The following TTC7A variants were observed in gnomAD, a reference collection of about 807,000 sequenced individuals.
TTC7A encodes tetratricopeptide repeat domain 7A.
A neutral mutation model predicts 103.7 loss-of-function variants in TTC7A; 110 were observed. The observed-to-expected ratio is 1.06, with a 90% CI of 0.91 to 1.24. The LOEUF (loss-of-function observed/expected upper bound fraction) is 1.24. Ranked by LOEUF, TTC7A falls within the 50% of genes most tolerant of loss-of-function variation. TTC7A has a pLI of 0.00. For missense variants in TTC7A, 1,340 were observed against 1,116.3 expected, an observed-to-expected ratio of 1.20 and a Z score of -2.86; for synonymous variants, 521 against 467.9, an observed-to-expected ratio of 1.11 and a Z score of -1.47.
chr2:46,957,124 C>G, intron 3 of TTC7A, 117 bp downstream of exon 3: 1 of 1,321,420 alleles, frequency 7.6e-7, no homozygotes, highest in South Asian at 1.3e-5. Context: ...TGCCCATGCC[C>G]TGGCACTGGT....
chr2:46,917,582 C>T (rs997774022), intron 2 of TTC7A, among the ~76,000 whole-genome samples: 1 of 152,204 alleles, frequency 6.6e-6, no homozygotes, highest in Admixed American at 6.5e-5. Context: ...ATAAAGTGTC[C>T]TCATTCTAGC....
At chr2:46,979,542 C>T (rs895177123) in intron 5 of TTC7A, among the ~76,000 whole-genome samples, 4 of 152,140 alleles carry the variant, frequency 2.6e-5, no homozygotes, top group African/African-American at 9.7e-5. Flanking sequence ...GAATGCCTTC[C>T]GTAGGCTTTT....
intron 11 of TTC7A, among the ~76,000 whole-genome samples, chr2:47,020,776 G>A (rs1679204488): frequency 6.6e-6 from 1 of 152,224 alleles, no homozygotes; most frequent in Admixed American, 6.5e-5. Flanking sequence ...TCCAGGGAGA[G>A]AGAATCCACT....
intron 10 of TTC7A, among the ~76,000 whole-genome samples, chr2:47,010,933 C>G (rs1677977899): frequency 6.6e-6 from 1 of 152,198 alleles, no homozygotes; most frequent in African/African-American, 2.4e-5. Context: ...CTCCTGAGTT[C>G]AAGTGATCTG....
Position 47,046,361 on chromosome 2 carries a change from G to T in TTC7A, c.1849G>T (p.Glu617Ter), listed in dbSNP as rs376138112. 2.5e-6 allele frequency: 4 copies of T among 1,614,230 alleles called. No homozygotes were observed. The East Asian group carries it at 8.9e-5, about 36-fold the overall frequency. ...VKLEQVLKGP[E>*]EALVTCRQVL... ...GCTGGAGCAGGTGCTGAAAGGCCCA[G>T]AGGAAGCCCTCGTGACCTGCAGACA... The change falls in exon 16 of 20, where the codon GAG becomes TAG. Residue 617 changes from glutamate to a stop codon, truncating the protein, a stop_gained. Transcript: ENST00000319190. LOFTEE classifies it high-confidence loss of function.
At chr2:47,002,963 T>C (rs1404192045) in intron 8 of TTC7A, among the ~76,000 whole-genome samples, 1 of 152,152 alleles carries the variant, frequency 6.6e-6, no homozygotes, top group African/African-American at 2.4e-5. Context: ...TGAGGGCCTA[T>C]CACCAGCCTG....
intron 8 of TTC7A, 63 bp downstream of exon 8, chr2:46,995,262 G>A: frequency 2.5e-6 from 4 of 1,570,200 alleles, no homozygotes; most frequent in Non-Finnish European, 3.5e-6. Flanking sequence ...AGGGCTGTGG[G>A]GCCCAGGTAC....
At chr2:46,976,789 G>A (rs1226745238) in intron 4 of TTC7A, among the ~76,000 whole-genome samples, 2 of 152,162 alleles carry the variant, frequency 1.3e-5, no homozygotes, top group East Asian at 3.9e-4. Flanking sequence ...TCAGTTACTG[G>A]CAACTGTCCC....
intron 2 of TTC7A, among the ~76,000 whole-genome samples, chr2:46,917,614 A>G (rs1032299511): frequency 3.9e-5 from 6 of 152,210 alleles, no homozygotes; most frequent in Non-Finnish European, 7.4e-5. Context: ...TTTTTTTCCT[A>G]TGGATGTTAT....
chr2:46,975,917 A>G (rs969527332), intron 4 of TTC7A, among the ~76,000 whole-genome samples: 1 of 151,976 alleles, frequency 6.6e-6, no homozygotes, highest in African/African-American at 2.4e-5. Flanking sequence ...TTGTATTTTT[A>G]GTAGAGACAG....
chr2:47,047,486 C>T (rs1682444762), intron 16 of TTC7A: 1 of 608,218 alleles, frequency 1.6e-6, no homozygotes, highest in Non-Finnish European at 2.9e-6. Context: ...TTGAAGCCAC[C>T]TGGCAGCTGG....
intron 5 of TTC7A, among the ~76,000 whole-genome samples, chr2:46,984,477 A>G (rs541834817): frequency 6.6e-6 from 1 of 152,328 alleles, no homozygotes; most frequent in East Asian, 1.9e-4. Context: ...GTGAGGGTCC[A>G]ATGAGAGGGA....
At chr2:46,978,978 G>T (rs925530083) in intron 5 of TTC7A, 71 bp downstream of exon 5, 3 of 1,094,628 alleles carry the variant, frequency 2.7e-6, no homozygotes, top group Non-Finnish European at 4.2e-6. Context: ...TGGCCTTAAG[G>T]CTGCTCTCCC....
In TTC7A at chr2:47,005,974, C is replaced by A; in HGVS notation, c.1118C>A (p.Thr373Lys). Reference protein sequence around the residue: ...SRVPEQEEDRTVSLQNAAAIY... With the variant: ...SRVPEQEEDRKVSLQNAAAIY... ...GTGCCGGAGCAGGAGGAGGACCGGA[C>A]AGTGAGCTTGCAGAATGCCGCAGCC... Residue 373 changes from threonine (T) to lysine (K), a missense_variant, in exon 9 of 20, where the codon ACA becomes AAA. Physicochemically the swap from Thr to Lys is moderately conservative, Grantham distance 78 (BLOSUM62 -1). Transcript: ENST00000319190. 6.2e-7 allele frequency: 1 copy of A among 1,614,072 alleles called. No homozygotes were observed. The highest frequency in any genetic ancestry group is 2.2e-5 in the East Asian group (1 of 44,860).
intron 8 of TTC7A, among the ~76,000 whole-genome samples, chr2:47,000,602 G>A (rs1676705438): frequency 6.6e-6 from 1 of 152,232 alleles, no homozygotes; most frequent in African/African-American, 2.4e-5. Flanking sequence ...CAGCTCGAGA[G>A]CCAGTGGTAA....
Position 47,007,109 on chromosome 2 carries a change from C to T in TTC7A, c.1287+385C>T, listed in dbSNP as rs1420776293. Among the ~76,000 whole-genome samples, 3 of 152,136 alleles carry T rather than the reference C, an allele frequency of 2.0e-5. No homozygotes were observed. Among genetic ancestry groups the T allele is most frequent in the African/African-American group, 4.8e-5 (2 of 41,410 alleles). On this transcript the variant is annotated intron_variant, in intron 10 of 19. Coordinates refer to ENST00000319190, the MANE Select transcript of TTC7A (RefSeq NM_020458.4). This position sits in a 1 kb window ranked among gnomAD's most constrained non-coding sequence, Gnocchi z 4.9. Reference sequence around the variant, plus strand: ...TCATCCTGTCCACTGAGCATAGCATCAGGAAATGGCCTGCTTGTGGACTGG... The same window carrying T: ...TCATCCTGTCCACTGAGCATAGCATTAGGAAATGGCCTGCTTGTGGACTGG...
At chr2:46,917,672 A>G (rs1415734817) in intron 2 of TTC7A, among the ~76,000 whole-genome samples, 1 of 152,156 alleles carries the variant, frequency 6.6e-6, no homozygotes, top group Non-Finnish European at 1.5e-5. Flanking sequence ...TCTCTACCAG[A>G]TAATTCCCAT....
intron 11 of TTC7A, among the ~76,000 whole-genome samples, chr2:47,018,662 TAC>T (rs1368780582): frequency 2.0e-5 from 3 of 151,354 alleles, no homozygotes; most frequent in Non-Finnish European, 2.9e-5. Flanking sequence ...ATATGAAATA[TAC>T]AGTTATATAT....
chr2:47,042,112 T>C (rs1431960113), intron 15 of TTC7A, among the ~76,000 whole-genome samples: 1 of 152,066 alleles, frequency 6.6e-6, no homozygotes, highest in Non-Finnish European at 1.5e-5. Context: ...AAAGGTCCTT[T>C]TGTTATGCAG....
Sources: allele counts gnomAD v4.1 joint callset (sites outside exome capture counted in the v4.1 genomes callset), GRCh38; gene constraint gnomAD v4.1.1; non-coding constraint Gnocchi (gnomAD v3.1); transcripts MANE v1.5; gene names NCBI Gene and HGNC (gene_info 2026-07-23, HGNC 2026-07-21).